The following CLBA1 variants were observed in gnomAD, a reference collection of about 807,000 sequenced individuals.
The protein encoded by CLBA1 is clathrin binding box of aftiphilin containing 1.
Under a neutral mutation model 28.8 loss-of-function variants are expected in CLBA1, and 30 were observed. That is an observed-to-expected ratio of 1.04 (90% CI 0.78 to 1.41). The LOEUF (loss-of-function observed/expected upper bound fraction) is 1.41. Ranked by LOEUF, CLBA1 falls within the 40% of genes most tolerant of loss-of-function variation. The pLI is 0.00. For missense variants in CLBA1, 451 were observed against 412.3 expected (o/e 1.09, Z -0.81); for synonymous variants, 160 against 152.8 (o/e 1.05, Z -0.35).
chr14:104,994,166 A>G, intron 4 of CLBA1: 1 of 985,392 alleles, frequency 1.0e-6, no homozygotes, highest in African/African-American at 1.7e-5. Flanking sequence ...AGCTGTAAAG[A>G]AATGTTCGTG....
downstream of CLBA1, among the ~76,000 whole-genome samples, chr14:105,000,029 G>C (rs549951590): frequency 2.6e-5 from 4 of 152,266 alleles, no homozygotes; most frequent in South Asian, 8.3e-4. Context: ...TGCAGCTCTC[G>C]CATGACTCCT....
chr14:104,998,146 C>T (rs1900187994), downstream of CLBA1, among the ~76,000 whole-genome samples: 1 of 152,072 alleles, frequency 6.6e-6, no homozygotes, highest in Admixed American at 6.6e-5. Context: ...GTGGTTCATA[C>T]CTGTAATCCC....
At chr14:104,987,178 G>C (rs1271832197) in intron 1 of CLBA1, among the ~76,000 whole-genome samples, 1 of 152,282 alleles carries the variant, frequency 6.6e-6, no homozygotes, top group East Asian at 1.9e-4. Flanking sequence ...CCCCAGCTCA[G>C]GGCATTTGAG....
At chr14:105,000,819 G>A (rs190326025) in intron 2 of CLBA1, among the ~76,000 whole-genome samples, 3 of 152,118 alleles carry the variant, frequency 2.0e-5, no homozygotes, top group Admixed American at 6.5e-5. Context: ...TAGTACCGCC[G>A]CTATGGAAAA....
At position 104,991,563 on chromosome 14, in the gene CLBA1, C is replaced by T. The variant is rs372948407; in HGVS notation, c.642C>T (p.Ser214=). 20 of 1,613,640 alleles carry T rather than the reference C, an allele frequency of 1.2e-5. No individual in the cohort carries two copies. The highest frequency in any genetic ancestry group is 4.5e-5 in the East Asian group (2 of 44,900). The change falls in exon 3 of 5, where the codon AGC becomes AGT. Residue 214 remains serine (S), a synonymous_variant. Coordinates refer to ENST00000547315, the MANE Select transcript of CLBA1 (RefSeq NM_174891.4). ...CGTCTACTTCTCAGCGCCTCTGGAGCGAGTCCCGTTGCCAGGAGAACTTCT... is the reference window on the plus strand; with the variant it reads ...CGTCTACTTCTCAGCGCCTCTGGAGTGAGTCCCGTTGCCAGGAGAACTTCT... ...HTTSTSQRLW[S]ESRCQENFFL...
At chr14:104,987,789 TTATA>T (rs5811162) in intron 1 of CLBA1, among the ~76,000 whole-genome samples, 4 of 144,936 alleles carry the variant, frequency 2.8e-5, no homozygotes, top group Admixed American at 6.9e-5. Flanking sequence ...GGCTAACTTT[TTATA>T]TATATATATA....
intron 4 of CLBA1, 138 bp downstream of exon 4, chr14:104,993,202 TTG>T: frequency 6.6e-7 from 1 of 1,504,004 alleles, no homozygotes; most frequent in African/African-American, 1.4e-5. Context: ...AAACAAACAT[TTG>T]TGCTATTTAG....
rs931666848 is a variant in CLBA1, at chr14:104,989,769, C to G, written c.569+681C>G. The G allele has an allele frequency of 1.3e-4, 59 of 447,924 alleles. No individual in the cohort carries two copies. The East Asian group carries it at 3.7e-3, about 28-fold the overall frequency. The allele number at this position is 447,924 out of a possible 1,614,324, so 27.7% of individuals were successfully genotyped here. ...TGAAGGTTGGGGTGAGCTAGCTTCC[C>G]TGTCCCTCGGTGTGGTCTGCGGAGT... On this transcript the variant is annotated intron_variant, in intron 2 of 4. Transcript: ENST00000547315.
chr14:104,992,994 A>T lies in CLBA1; in HGVS notation c.746A>T (p.Lys249Ile). 1 of 1,614,182 alleles carries T rather than the reference A, an allele frequency of 6.2e-7. No individual in the cohort carries two copies. Among genetic ancestry groups the T allele is most frequent in the African/African-American group, 1.3e-5 (1 of 75,052 alleles). Reference protein sequence around the residue: ...QGHIMEDCDLKEPEGLLTVSS... With the variant: ...QGHIMEDCDLIEPEGLLTVSS... ...CACATCATGGAAGATTGTGACCTCAAAGAGCCTGAAGGACTCCTCACTGTC... is the reference window on the plus strand; with the variant it reads ...CACATCATGGAAGATTGTGACCTCATAGAGCCTGAAGGACTCCTCACTGTC... The change falls in exon 4 of 5, where the codon AAA becomes ATA. Residue 249 changes from lysine (K) to isoleucine (I), a missense_variant. By Grantham distance (102) the Lys-to-Ile change is moderately radical. Coordinates refer to ENST00000547315, the MANE Select transcript of CLBA1 (RefSeq NM_174891.4).
At position 104,986,103 on chromosome 14, in the gene CLBA1, C is replaced by T; in HGVS notation, c.-329C>T. The T allele has an allele frequency of 2.5e-6, 1 of 394,258 alleles. No homozygotes were observed. 24.4% of individuals were successfully genotyped at this position (394,258 alleles called of 1,614,324 possible). A position where few individuals can be genotyped will look rare whatever the true frequency, so the allele number is the denominator to read the frequency against. ...GCCTCCCAGGCCCCCTCGCGGCTCT[C>T]TCCAGAGCAGGAGCCCCACCTTGGG... On this transcript the variant is annotated 5_prime_UTR_variant, in exon 1 of 5. Transcript: ENST00000547315.
chr14:105,000,397 G>A (rs1595447873), downstream of CLBA1, among the ~76,000 whole-genome samples: 2 of 150,920 alleles, frequency 1.3e-5, no homozygotes, highest in Admixed American at 6.6e-5. Flanking sequence ...TCAGCCTCCC[G>A]AGTAGCTGGG....
rs1421846312 is a variant in CLBA1 at position 104,986,576 on chromosome 14, G to A, written c.145G>A (p.Asp49Asn). 1.9e-6 allele frequency: 3 copies of A among 1,613,910 alleles called. No homozygotes were observed. Among genetic ancestry groups the A allele is most frequent in the East Asian group, 2.2e-5 (1 of 44,882 alleles). ...GACCTGCCCCGACCTTCTCCTGTCC[G>A]ATGGGAAAGCCAGCATCTCCATGCC... The part of the protein sequence containing the change: ...RRTCPDLLLS[D>N]GKASISMPRE... The change falls in exon 1 of 5, where the codon GAT (aspartate) becomes AAT (asparagine). Residue 49 changes from aspartate to asparagine, a missense_variant. Physicochemically the swap from Asp to Asn is conservative, Grantham distance 23 (BLOSUM62 1). Coordinates refer to ENST00000547315, the MANE Select transcript of CLBA1 (RefSeq NM_174891.4).
chr14:104,988,954 C>T lies in CLBA1; in HGVS notation c.435C>T (p.Ser145=), dbSNP rs1217227232. The part of the protein sequence containing the change: ...SAVPPSEPIL[S]YENILKCAFQ... ...TCTTTTCTTTTCAGCCCATTCTCAG[C>T]TATGAGAACATTTTAAAGTGTGCTT... is the stretch of plus-strand genomic sequence containing the variant. The change falls in exon 2 of 5, where the codon AGC becomes AGT. Residue 145 remains serine (S), a synonymous_variant. Coordinates refer to ENST00000547315, the MANE Select transcript of CLBA1 (RefSeq NM_174891.4). 15 of 1,611,058 alleles carry T rather than the reference C, an allele frequency of 9.3e-6. 1 individual carries two copies. The highest frequency in any genetic ancestry group is 1.3e-5 in the Non-Finnish European group (15 of 1,178,542).
At chr14:104,989,718 C>T in intron 2 of CLBA1, 1 of 455,912 alleles carries the variant, frequency 2.2e-6, no homozygotes, top group South Asian at 1.5e-5. Flanking sequence ...GTAAGTTGGC[C>T]CAAGGCCCCA....
rs1159561573 is a variant in CLBA1, at chr14:104,991,556, T to C, written c.635T>C (p.Leu212Pro). The change falls in exon 3 of 5, where the codon CTC (leucine) becomes CCC (proline). Residue 212 changes from leucine to proline, a missense_variant. Coordinates refer to ENST00000547315, the MANE Select transcript of CLBA1 (RefSeq NM_174891.4). Reference sequence around the variant, plus strand: ...CACACCACGTCTACTTCTCAGCGCCTCTGGAGCGAGTCCCGTTGCCAGGAG... The same window carrying C: ...CACACCACGTCTACTTCTCAGCGCCCCTGGAGCGAGTCCCGTTGCCAGGAG... Reference protein sequence around the residue: ...SIHTTSTSQRLWSESRCQENF... With the variant: ...SIHTTSTSQRPWSESRCQENF... 1.9e-6 allele frequency: 3 copies of C among 1,613,966 alleles called. No individual in the cohort carries two copies. The highest frequency in any genetic ancestry group is 2.5e-6 in the Non-Finnish European group (3 of 1,179,900).
In CLBA1 at chr14:104,986,891, G is replaced by T. The variant is rs140356012; in HGVS notation, c.423+37G>T. 4.2e-4 allele frequency: 670 copies of T among 1,599,880 alleles called. 5 individuals carry two copies. The East Asian group carries it at 0.015, about 35-fold the overall frequency. On this transcript the variant is annotated intron_variant, in intron 1 of 4. Coordinates refer to ENST00000547315, the MANE Select transcript of CLBA1 (RefSeq NM_174891.4). Reference sequence around the variant, plus strand: ...GTGCTGTGGTCACCATGTTGAGTGGGACGTGTACACACCAAGAGGCCTACA... The same window carrying T: ...GTGCTGTGGTCACCATGTTGAGTGGTACGTGTACACACCAAGAGGCCTACA...
At position 104,985,837 on chromosome 14, in the gene CLBA1, C is replaced by G. The variant is rs534951562; in HGVS notation, c.-595C>G. The G allele has an allele frequency of 1.6e-4, 45 of 279,222 alleles. No individual in the cohort carries two copies. Among genetic ancestry groups the G allele is most frequent in the African/African-American group, 1.4e-3 (43 of 31,010 alleles). The allele number at this position is 279,222 out of a possible 1,614,324, so 17.3% of individuals were successfully genotyped here. ...AGGGAACGGCTGGTTGCAGGTTTCT[C>G]TCGCCCTGGTCCCGCGCGGCCCCGC... On this transcript the variant is annotated 5_prime_UTR_variant, in exon 1 of 5. Coordinates refer to ENST00000547315, the MANE Select transcript of CLBA1 (RefSeq NM_174891.4).
chr14:104,987,014 G>A (rs1400974204), intron 1 of CLBA1, among the ~76,000 whole-genome samples, 160 bp downstream of exon 1: 2 of 152,256 alleles, frequency 1.3e-5, no homozygotes, highest in Non-Finnish European at 2.9e-5. Context: ...GTGGTTGGCA[G>A]TCCCATCCTG....
intron 2 of CLBA1, chr14:104,990,824 T>C (rs10133292): frequency 0.25 from 38,975 of 153,046 alleles, 6,812 homozygotes; most frequent in African/African-American, 0.49. Context: ...AAATATCTGG[T>C]CTCACGGAGC....
Sources: gnomAD v4.1 joint callset for allele counts (sites outside exome capture counted in the v4.1 genomes callset) on GRCh38, gnomAD v4.1.1 for gene constraint, MANE v1.5 for transcripts, NCBI Gene and HGNC (gene_info 2026-07-23, HGNC 2026-07-21) for gene names.